Variants in CHAT observed in about 807,000 individuals in gnomAD.
CHAT encodes choline O-acetyltransferase.
CHAT carries 61 observed loss-of-function variants against 76.9 expected under a neutral mutation model. That is an observed-to-expected ratio of 0.79 (90% CI 0.65 to 0.98). The LOEUF is 0.98. Among genes scored for constraint, CHAT ranks in the 50% least tolerant of loss-of-function variants. CHAT has a pLI of 0.00. For synonymous variants in CHAT, 407 were observed against 397.4 expected, an observed-to-expected ratio of 1.02 and a Z score of -0.29; for missense variants, 946 against 986.9, an observed-to-expected ratio of 0.96 and a Z score of 0.56.
intron 7 of CHAT, among the ~76,000 whole-genome samples, chr10:49,645,481 G>A (rs775314901): frequency 3.9e-5 from 6 of 152,204 alleles, no homozygotes; most frequent in Non-Finnish European, 8.8e-5. Flanking sequence ...ACCCAGTACT[G>A]AGCAGTGGAG....
At chr10:49,619,577 A>AT (rs1356576497) in intron 2 of CHAT, 148 bp from the exon 3 acceptor site, 1 of 758,248 alleles carries the variant, frequency 1.3e-6, no homozygotes, top group Non-Finnish European at 2.2e-6. Context: ...TAAATTCATA[A>AT]TTTTGCTGAG....
rs918000743 is a variant in CHAT at position 49,666,226 on chromosome 10, TCAGCCC to T, written c.*1197_*1202del. On this transcript the variant is annotated 3_prime_UTR_variant, in exon 15 of 15. Coordinates refer to ENST00000337653, the MANE Select transcript of CHAT (RefSeq NM_020549.5). ...GAGGAGGGCACAGCCTCCTCCAGAG[TCAGCCC>T]CAGCCCCAGCCCCAGCTCCAGCTCC... is the stretch of plus-strand genomic sequence containing the variant. 3.2e-4 allele frequency among the ~76,000 whole-genome samples: 49 copies of T among 151,732 alleles called. No individual in the cohort carries two copies. Among genetic ancestry groups the T allele is most frequent in the African/African-American group, 6.0e-4 (25 of 41,366 alleles).
intron 13 of CHAT, among the ~76,000 whole-genome samples, chr10:49,659,549 G>A (rs1037689121): frequency 1.3e-5 from 2 of 152,202 alleles, no homozygotes; most frequent in African/African-American, 4.8e-5. Flanking sequence ...CTTGCTGCAT[G>A]TTTAGGAATC....
chr10:49,616,299 G>A (rs943449792), intron 1 of CHAT, among the ~76,000 whole-genome samples: 1 of 152,128 alleles, frequency 6.6e-6, no homozygotes, highest in Non-Finnish European at 1.5e-5. Flanking sequence ...TCTCCCATAT[G>A]GGGGCCCAGA....
At chr10:49,656,261 C>G (rs1840029539) in intron 13 of CHAT, among the ~76,000 whole-genome samples, 2 of 146,384 alleles carry the variant, frequency 1.4e-5, no homozygotes, top group Admixed American at 1.4e-4. Context: ...GAAAACATAG[C>G]ACCCACTCAT....
chr10:49,634,893 G>A (rs1399485043), intron 7 of CHAT, among the ~76,000 whole-genome samples: 4 of 151,994 alleles, frequency 2.6e-5, no homozygotes, highest in Non-Finnish European at 5.9e-5. Context: ...ACTTATTTTG[G>A]GATAACTGAA....
chr10:49,639,813 C>A (rs1450268213), intron 7 of CHAT, among the ~76,000 whole-genome samples: 1 of 152,108 alleles, frequency 6.6e-6, no homozygotes, highest in Admixed American at 6.5e-5. Flanking sequence ...TTCTGCTCTG[C>A]CCTCTTTCTC....
At chr10:49,613,552 G>A (rs117423934), upstream of CHAT, among the ~76,000 whole-genome samples, 567 of 152,296 alleles carry the variant, frequency 3.7e-3, 2 homozygotes, top group Non-Finnish European at 5.8e-3. Flanking sequence ...TGTTAGCTGC[G>A]CCTGTGAGGG....
At chr10:49,646,968 C>A in intron 8 of CHAT, 1 of 489,102 alleles carries the variant, frequency 2.0e-6, no homozygotes, top group Non-Finnish European at 3.8e-6. Context: ...AGGTCTGGGC[C>A]AGACCTGGGG....
upstream of CHAT, chr10:49,610,555 C>T (rs1195909476): frequency 7.2e-6 from 4 of 552,792 alleles, no homozygotes; most frequent in East Asian, 6.6e-5. Flanking sequence ...GCTGCAACGC[C>T]TCGCCGGACG....
rs1838383057 is a variant in CHAT at position 49,614,174 on chromosome 10, G to C, written c.-16G>C. On this transcript the variant is annotated 5_prime_UTR_variant, in exon 1 of 15. Transcript: ENST00000337653. ...GGCCGGGAGCTGAGATCCCTGGGCG[G>C]GGAGCTGGGGAAGGGATGGGGCTGA... The C allele has an allele frequency of 2.6e-6, 4 of 1,544,902 alleles. No individual in the cohort carries two copies. The East Asian group carries it at 9.8e-5, about 38-fold the overall frequency.
intron 5 of CHAT, among the ~76,000 whole-genome samples, chr10:49,623,573 C>A (rs1181271032): frequency 1.3e-5 from 2 of 152,172 alleles, no homozygotes; most frequent in Admixed American, 1.3e-4. Context: ...ACACAAAATA[C>A]AGCTGTGTCC....
upstream of CHAT, among the ~76,000 whole-genome samples, chr10:49,609,407 G>T (rs1460618981): frequency 6.6e-6 from 1 of 152,076 alleles, no homozygotes; most frequent in East Asian, 1.9e-4. Context: ...CAGGAGCCGA[G>T]GGAGGGCTTG....
chr10:49,633,982 A>T (rs1839213116), intron 7 of CHAT, among the ~76,000 whole-genome samples: 2 of 152,238 alleles, frequency 1.3e-5, no homozygotes, highest in African/African-American at 4.8e-5. Flanking sequence ...ACGTATCGTC[A>T]TCCAGAGCTA....
intron 2 of CHAT, 137 bp from the exon 3 acceptor site, chr10:49,619,588 C>A: frequency 2.4e-6 from 2 of 834,240 alleles, no homozygotes; most frequent in South Asian, 1.5e-5. Context: ...TTTTGCTGAG[C>A]TGAGCCCTAG....
chr10:49,635,156 G>A (rs1246649104), intron 7 of CHAT, among the ~76,000 whole-genome samples: 1 of 152,178 alleles, frequency 6.6e-6, no homozygotes, highest in Non-Finnish European at 1.5e-5. Flanking sequence ...TATTGCTTCA[G>A]GAATATTATA....
At chr10:49,626,671 T>G (rs1213162234) in intron 6 of CHAT, among the ~76,000 whole-genome samples, 3 of 152,174 alleles carry the variant, frequency 2.0e-5, no homozygotes, top group South Asian at 2.1e-4. Flanking sequence ...CGTATCCACC[T>G]CTTCCAGACA....
rs1840006246 is a variant in CHAT at position 49,655,444 on chromosome 10, T to C, written c.1835T>C (p.Val612Ala). The C allele has an allele frequency of 2.5e-6, 4 of 1,613,786 alleles. No homozygotes were observed. The Admixed American group carries it at 5.0e-5, about 20-fold the overall frequency. The stretch of plus-strand genomic sequence containing the variant: ...ATCCGTGCCCAGACTGCATACACAG[T>C]CATGGTGAGTGACGTCGCACCACCT... ...DAIRAQTAYT[V>A]MAITGMAIDN... The change falls in exon 13 of 15, where the codon GTC becomes GCC. Residue 612 changes from valine to alanine, a missense_variant. Around this residue, in one of 3 missense-constraint regions of CHAT, gnomAD observed 349 missense variants for 393.9 expected, o/e 0.89. Transcript: ENST00000337653.
At chr10:49,625,757 C>G in intron 6 of CHAT, 104 bp downstream of exon 6, 26 of 1,208,386 alleles carry the variant, frequency 2.2e-5, no homozygotes, top group Non-Finnish European at 2.8e-5. Context: ...TTCCCTGAGT[C>G]ACACAGGGAG....
Sources: gnomAD v4.1 joint callset for allele counts (sites outside exome capture counted in the v4.1 genomes callset) on GRCh38, gnomAD v4.1.1 for gene constraint, gnomAD v4.1.1 regional missense constraint, MANE v1.5 for transcripts, NCBI Gene and HGNC (gene_info 2026-07-23, HGNC 2026-07-21) for gene names.